SNX24: variants seen among roughly 807,000 people sequenced by gnomAD.
The protein encoded by SNX24 is sorting nexin 24, also known as sorting nexin-24.
Under a neutral mutation model 28.7 loss-of-function variants are expected in SNX24, and 22 were observed. That is an observed-to-expected ratio of 0.77 (90% CI 0.55 to 1.10). The LOEUF (loss-of-function observed/expected upper bound fraction) is 1.10, where lower values mean the gene tolerates loss of function less well. SNX24 is among the 50% of genes least tolerant of loss of function. SNX24 has a pLI of 0.00. For missense variants in SNX24, 221 were observed against 201.1 expected, an observed-to-expected ratio of 1.10 and a Z score of -0.60; for synonymous variants, 69 against 71.5, an observed-to-expected ratio of 0.96 and a Z score of 0.18.
chr5:122,887,155 GAC>G (rs1351692778), intron 1 of SNX24, among the ~76,000 whole-genome samples: 2 of 152,130 alleles, frequency 1.3e-5, no homozygotes, highest in African/African-American at 4.8e-5. Context: ...CAGTAAGTTA[GAC>G]AGTTATCCTA....
intron 3 of SNX24, among the ~76,000 whole-genome samples, chr5:122,959,991 T>C (rs1760414203): frequency 6.6e-6 from 1 of 152,022 alleles, no homozygotes. Flanking sequence ...AGAAAACATT[T>C]TCCTCCGAAG....
intron 2 of SNX24, among the ~76,000 whole-genome samples, chr5:122,940,422 A>G (rs970191232): frequency 6.6e-6 from 1 of 151,860 alleles, no homozygotes; most frequent in African/African-American, 2.4e-5. Flanking sequence ...CACCATTTTT[A>G]CCTCCATTCT....
intron 2 of SNX24, among the ~76,000 whole-genome samples, chr5:122,945,667 C>T (rs1759649305): frequency 6.6e-6 from 1 of 152,126 alleles, no homozygotes; most frequent in Non-Finnish European, 1.5e-5. Context: ...ATATGAAAAA[C>T]ATGTAGAAAG....
downstream of SNX24, among the ~76,000 whole-genome samples, chr5:123,013,837 T>C (rs1214642071): frequency 2.6e-5 from 4 of 152,070 alleles, no homozygotes; most frequent in African/African-American, 9.7e-5. Flanking sequence ...ATTGTTGGAC[T>C]AGGGTTTTGC....
chr5:122,880,780 A>G (rs926021326), intron 1 of SNX24, among the ~76,000 whole-genome samples: 1 of 152,208 alleles, frequency 6.6e-6, no homozygotes, highest in African/African-American at 2.4e-5. Flanking sequence ...TAGCTTGTCA[A>G]GTGAAGCCCT....
At chr5:122,941,902 G>A (rs1248710124) in intron 2 of SNX24, among the ~76,000 whole-genome samples, 3 of 152,060 alleles carry the variant, frequency 2.0e-5, no homozygotes, top group Admixed American at 6.6e-5. Context: ...GCACCAAAAC[G>A]AAAACAAAAC....
At chr5:122,933,946 C>A (rs188090995) in intron 1 of SNX24, among the ~76,000 whole-genome samples, 15 of 152,016 alleles carry the variant, frequency 9.9e-5, no homozygotes, top group Admixed American at 7.2e-4. Context: ...CCACACCCAG[C>A]TAATTTTTGT....
At chr5:122,946,022 TTTTC>T in intron 2 of SNX24, 29 bp from the exon 3 acceptor site, 52 of 1,239,872 alleles carry the variant, frequency 4.2e-5, no homozygotes, top group Non-Finnish European at 4.9e-5. Flanking sequence ...CTGTTTTTTT[TTTTC>T]TTTTTCTTTT....
At chr5:122,933,418 C>A (rs192026891) in intron 1 of SNX24, among the ~76,000 whole-genome samples, 1 of 152,330 alleles carries the variant, frequency 6.6e-6, no homozygotes, top group African/African-American at 2.4e-5. Flanking sequence ...GCTCCCTGTT[C>A]TCCATACTCC....
intron 3 of SNX24, among the ~76,000 whole-genome samples, 169 bp downstream of exon 3, chr5:122,946,328 A>G (rs1759683899): frequency 6.6e-6 from 1 of 152,218 alleles, no homozygotes; most frequent in African/African-American, 2.4e-5. Context: ...TGTAACTTTA[A>G]TTAGGGTTCT....
intron 3 of SNX24, among the ~76,000 whole-genome samples, chr5:122,998,674 G>A (rs1762137231): frequency 6.6e-6 from 1 of 152,170 alleles, no homozygotes; most frequent in African/African-American, 2.4e-5. Context: ...CTGGCAACCT[G>A]TATAGTTACC....
intron 5 of SNX24, among the ~76,000 whole-genome samples, chr5:123,018,323 C>G (rs1483928976): frequency 1.3e-5 from 2 of 152,062 alleles, no homozygotes; most frequent in African/African-American, 4.8e-5. Context: ...GAGTGCAGCT[C>G]CTGGTGTCCA....
At chr5:122,976,985 T>G (rs994159577) in intron 3 of SNX24, among the ~76,000 whole-genome samples, 3 of 152,226 alleles carry the variant, frequency 2.0e-5, no homozygotes, top group Non-Finnish European at 4.4e-5. Flanking sequence ...GGATTTTTTT[T>G]TTCTTATCCA....
intron 1 of SNX24, among the ~76,000 whole-genome samples, chr5:122,899,918 A>G (rs1457188541): frequency 6.6e-6 from 1 of 152,212 alleles, no homozygotes; most frequent in Non-Finnish European, 1.5e-5. Context: ...ACTTTAGTAG[A>G]ACCCATTTTA....
intron 5 of SNX24, chr5:123,028,654 G>A (rs1205095442): frequency 1.1e-5 from 8 of 708,754 alleles, no homozygotes; most frequent in Non-Finnish European, 1.8e-5. Flanking sequence ...TTCTCAAAGA[G>A]GTACAGTCGT....
chr5:122,858,813 ATTTC>A (rs1172617279), intron 1 of SNX24, among the ~76,000 whole-genome samples: 2 of 152,114 alleles, frequency 1.3e-5, no homozygotes, highest in African/African-American at 2.4e-5. Context: ...AATCATTTTC[ATTTC>A]TTTCTGTGAG....
At chr5:122,908,909 C>T (rs1242801374) in intron 1 of SNX24, among the ~76,000 whole-genome samples, 1 of 152,152 alleles carries the variant, frequency 6.6e-6, no homozygotes, top group Non-Finnish European at 1.5e-5. Flanking sequence ...CAAATGTGCA[C>T]ATAGCAAGGC....
At chr5:122,975,848 T>A (rs2150151929) in intron 3 of SNX24, among the ~76,000 whole-genome samples, 2 of 152,306 alleles carry the variant, frequency 1.3e-5, no homozygotes, top group South Asian at 4.1e-4. Context: ...TTGGTAAGGG[T>A]ACAAAGGAAT....
intron 1 of SNX24, among the ~76,000 whole-genome samples, chr5:122,921,019 C>T (rs920134130): frequency 2.0e-5 from 3 of 152,144 alleles, no homozygotes; most frequent in Admixed American, 2.0e-4. Flanking sequence ...AGCCACCATG[C>T]CCAGCCAATA....
Sources: gnomAD v4.1 joint callset for allele counts (sites outside exome capture counted in the v4.1 genomes callset) on GRCh38, gnomAD v4.1.1 for gene constraint, MANE v1.5 for transcripts, NCBI Gene and HGNC (gene_info 2026-07-23, HGNC 2026-07-21) for gene names.